MSRA: variants seen among roughly 807,000 people sequenced by gnomAD.
MSRA encodes the protein methionine sulfoxide reductase A.
Under a neutral mutation model 31.3 loss-of-function variants are expected in MSRA, and 54 were observed. The ratio of observed to expected loss-of-function variants is 1.73; its 90% confidence interval spans 1.39 to 2.17. MSRA has a LOEUF of 2.17. MSRA is among the 30% of genes most tolerant of loss of function. The pLI is 0.00. For missense variants in MSRA, 507 were observed against 300.9 expected (o/e 1.69, Z -5.07); for synonymous variants, 169 against 116.5 (o/e 1.45, Z -2.90).
intron 3 of MSRA, among the ~76,000 whole-genome samples, chr8:10,268,439 C>G (rs150402746): frequency 6.6e-6 from 1 of 152,338 alleles, no homozygotes; most frequent in Non-Finnish European, 1.5e-5. Flanking sequence ...GGCACCTGAA[C>G]TTCTACTCCC....
intron 1 of MSRA, among the ~76,000 whole-genome samples, chr8:10,076,847 C>T (rs1798017405): frequency 6.6e-5 from 10 of 151,652 alleles, no homozygotes; most frequent in Admixed American, 6.6e-4. Flanking sequence ...AGCATCTCAA[C>T]ATTTAAGAGC....
chr8:10,121,142 C>G (rs971930982), intron 1 of MSRA, among the ~76,000 whole-genome samples: 1 of 152,120 alleles, frequency 6.6e-6, no homozygotes, highest in African/African-American at 2.4e-5. Context: ...ATCTTGACAA[C>G]AATAAGTTTG....
intron 1 of MSRA, among the ~76,000 whole-genome samples, chr8:10,164,029 C>T (rs1469152947): frequency 6.6e-6 from 1 of 152,244 alleles, no homozygotes; most frequent in Non-Finnish European, 1.5e-5. Context: ...CCTGTCTTAT[C>T]TTGTACTTGA....
At chr8:10,402,507 T>A (rs911882797) in intron 5 of MSRA, among the ~76,000 whole-genome samples, 1 of 152,226 alleles carries the variant, frequency 6.6e-6, no homozygotes, top group Non-Finnish European at 1.5e-5. Context: ...ATCATTCCAA[T>A]GACGCAAGCA....
intron 1 of MSRA, among the ~76,000 whole-genome samples, chr8:10,105,176 C>G (rs145774957): frequency 6.6e-6 from 1 of 151,994 alleles, no homozygotes; most frequent in Non-Finnish European, 1.5e-5. Context: ...TTATGCTCAT[C>G]GAAGATACCT....
intron 5 of MSRA, among the ~76,000 whole-genome samples, chr8:10,358,063 C>T (rs1280956468): frequency 6.6e-6 from 1 of 152,158 alleles, no homozygotes; most frequent in Non-Finnish European, 1.5e-5. Flanking sequence ...GCTGGGATTA[C>T]AGGTGTGCAC....
chr8:10,120,759 C>T (rs1346574576), intron 1 of MSRA, among the ~76,000 whole-genome samples: 1 of 152,170 alleles, frequency 6.6e-6, no homozygotes, highest in Non-Finnish European at 1.5e-5. Context: ...TGCAGACTCA[C>T]TGTGTTAATT....
rs190375165 is a variant in MSRA at position 10,378,896 on chromosome 8, C to T, written c.544-49252C>T. On this transcript the variant is annotated intron_variant, in intron 5 of 5. Transcript: ENST00000317173. ...TATTTAAAACCATATCTTATTAAAA[C>T]ACCAACTTAGCAATAAAAGAGCCCT... Among the ~76,000 whole-genome samples, 266 of 152,332 alleles carry T rather than the reference C, an allele frequency of 1.7e-3. 4 individuals carry two copies. Among genetic ancestry groups the T allele is most frequent in the African/African-American group, 6.0e-3 (251 of 41,586 alleles).
At chr8:10,222,467 A>G (rs1005130979) in intron 2 of MSRA, among the ~76,000 whole-genome samples, 2 of 152,198 alleles carry the variant, frequency 1.3e-5, no homozygotes, top group Non-Finnish European at 2.9e-5. Context: ...AAAATTTACA[A>G]CAAGACTATT....
intron 1 of MSRA, among the ~76,000 whole-genome samples, chr8:10,100,699 T>A (rs1188791239): frequency 6.6e-6 from 1 of 152,182 alleles, no homozygotes; most frequent in Admixed American, 6.5e-5. Flanking sequence ...AAAGCTCGAC[T>A]TAAAAGTTTG....
At chr8:10,060,159 C>T (rs1295015489) in intron 1 of MSRA, among the ~76,000 whole-genome samples, 1 of 152,144 alleles carries the variant, frequency 6.6e-6, no homozygotes, top group Non-Finnish European at 1.5e-5. Context: ...ATGACTGCAC[C>T]AGGTTATTCA....
intron 3 of MSRA, among the ~76,000 whole-genome samples, chr8:10,246,290 G>C (rs1010395616): frequency 6.6e-6 from 1 of 152,304 alleles, no homozygotes; most frequent in African/African-American, 2.4e-5. Context: ...TAGGCTAACA[G>C]GGTAGGCAGA....
At chr8:10,366,432 A>T (rs527473295) in intron 5 of MSRA, among the ~76,000 whole-genome samples, 21 of 152,328 alleles carry the variant, frequency 1.4e-4, no homozygotes, top group Admixed American at 1.4e-3. Flanking sequence ...GCTCTCTGGA[A>T]TTTTCTTTGA....
At chr8:10,120,825 G>T (rs1033928774) in intron 1 of MSRA, among the ~76,000 whole-genome samples, 1 of 152,156 alleles carries the variant, frequency 6.6e-6, no homozygotes, top group Admixed American at 6.5e-5. Flanking sequence ...TAGCCTACAT[G>T]GTTTCGGCTT....
chr8:10,094,960 G>A (rs1799049253), intron 1 of MSRA, among the ~76,000 whole-genome samples: 1 of 152,116 alleles, frequency 6.6e-6, no homozygotes, highest in Admixed American at 6.5e-5. Context: ...TACATCTGTA[G>A]TAAAATTTTG....
At chr8:10,404,199 C>A (rs1044738307) in intron 5 of MSRA, among the ~76,000 whole-genome samples, 22 of 152,246 alleles carry the variant, frequency 1.4e-4, no homozygotes, top group Admixed American at 5.9e-4. Flanking sequence ...CCCACAATGC[C>A]GGGAAAGTGA....
chr8:10,334,817 T>TCC, intron 5 of MSRA, among the ~76,000 whole-genome samples: 1 of 152,346 alleles, frequency 6.6e-6, no homozygotes, highest in South Asian at 2.1e-4. Context: ...TGTGCCTTAC[T>TCC]CCCTCTGGTG....
intron 5 of MSRA, among the ~76,000 whole-genome samples, chr8:10,392,548 C>T (rs896800505): frequency 8.5e-5 from 13 of 152,132 alleles, no homozygotes; most frequent in African/African-American, 2.9e-4. Flanking sequence ...CGATGATGCT[C>T]TTTGTGTTGT....
chr8:10,158,430 AG>A (rs1804356678), intron 1 of MSRA, among the ~76,000 whole-genome samples: 1 of 152,210 alleles, frequency 6.6e-6, no homozygotes, highest in Admixed American at 6.5e-5. Context: ...CTGTGTCTAT[AG>A]ATTTGTCAAT....
Sources: allele counts gnomAD v4.1 joint callset (sites outside exome capture counted in the v4.1 genomes callset), GRCh38; gene constraint gnomAD v4.1.1; transcripts MANE v1.5; gene names NCBI Gene and HGNC (gene_info 2026-07-23, HGNC 2026-07-21).